The following ALKBH5 variants were observed in gnomAD, a reference collection of about 807,000 sequenced individuals.
ALKBH5 encodes the protein alkB homolog 5, RNA demethylase, also known as RNA demethylase ALKBH5.
In ALKBH5, 2 loss-of-function variants were observed where a neutral mutation model predicts 32.1. The ratio of observed to expected loss-of-function variants is 0.06; its 90% CI spans 0.03 to 0.20. ALKBH5 has a LOEUF of 0.20. Among genes scored for constraint, ALKBH5 ranks in the 10% least tolerant of loss-of-function variants. ALKBH5 has a pLI of 1.00. For synonymous variants in ALKBH5, 300 were observed against 231.7 expected (o/e 1.29, Z -2.68); for missense variants, 352 against 559.5 (o/e 0.63, Z 3.74).
At chr17:18,192,751 C>T (rs936907346) in intron 1 of ALKBH5, among the ~76,000 whole-genome samples, 1 of 151,988 alleles carries the variant, frequency 6.6e-6, no homozygotes, top group Admixed American at 6.6e-5. Flanking sequence ...GGTTCTTTTG[C>T]TGTAGTAATT....
intron 2 of ALKBH5, among the ~76,000 whole-genome samples, chr17:18,202,745 G>T (rs1296684465): frequency 2.0e-5 from 3 of 151,870 alleles, no homozygotes; most frequent in Non-Finnish European, 4.4e-5. Context: ...CTCTTGCACT[G>T]AGGAGGGCCC....
intron 2 of ALKBH5, among the ~76,000 whole-genome samples, chr17:18,202,058 A>G (rs941995911): frequency 2.0e-5 from 3 of 152,124 alleles, no homozygotes; most frequent in African/African-American, 7.2e-5. Context: ...CTGTAATTCC[A>G]GCACTTTGGG....
At chr17:18,199,296 C>CAGGGT (rs2047222562) in intron 2 of ALKBH5, among the ~76,000 whole-genome samples, 1 of 152,110 alleles carries the variant, frequency 6.6e-6, no homozygotes. Flanking sequence ...CGTTGGTAAC[C>CAGGGT]CTGGAAGGGG....
intron 2 of ALKBH5, among the ~76,000 whole-genome samples, chr17:18,205,191 C>G (rs961717395): frequency 1.1e-4 from 16 of 152,208 alleles, no homozygotes; most frequent in African/African-American, 3.9e-4. Context: ...GCAAAGAAGC[C>G]TTAGAGCTAG....
At chr17:18,192,011 A>G (rs752133678) in intron 1 of ALKBH5, among the ~76,000 whole-genome samples, 9 of 151,852 alleles carry the variant, frequency 5.9e-5, no homozygotes, top group Non-Finnish European at 1.0e-4. Flanking sequence ...TTGTGTGTCT[A>G]TATGGGACAG....
chr17:18,188,307 G>A (rs1238588931), intron 1 of ALKBH5, among the ~76,000 whole-genome samples: 2 of 152,266 alleles, frequency 1.3e-5, no homozygotes, highest in Non-Finnish European at 2.9e-5. Flanking sequence ...GTGGTCTGTG[G>A]TGTGGTGGCC....
chr17:18,199,809 A>C (rs2047225865), intron 2 of ALKBH5, among the ~76,000 whole-genome samples: 1 of 152,174 alleles, frequency 6.6e-6, no homozygotes, highest in African/African-American at 2.4e-5. Flanking sequence ...CTGCAAAAAA[A>C]ACCCCAAAAA....
At chr17:18,207,257 TTA>T (rs1418877004) in intron 3 of ALKBH5, among the ~76,000 whole-genome samples, 3 of 152,186 alleles carry the variant, frequency 2.0e-5, no homozygotes, top group African/African-American at 7.2e-5. Flanking sequence ...CCTTGTGGAA[TTA>T]TACTTAGATG....
In ALKBH5 at chr17:18,184,502, A is replaced by C; in HGVS notation, c.259A>C (p.Ser87Arg). ...QKEEEARKVK[S>R]GIRQMRLFSQ... ...GGAGGAGGAGGCGCGCAAGGTGAAG[A>C]GCGGCATCCGCCAGATGCGCCTCTT... Residue 87 changes from serine to arginine, a missense_variant, in exon 1 of 4, where the codon AGC becomes CGC. Physicochemically the swap from Ser to Arg is moderately radical, Grantham distance 110. Around this residue, in one of 4 missense-constraint regions of ALKBH5, gnomAD observed 144 missense variants for 125.8 expected, o/e 1.14. Coordinates refer to ENST00000399138, the MANE Select transcript of ALKBH5 (RefSeq NM_017758.4). 1 of 1,613,012 alleles carries C rather than the reference A, an allele frequency of 6.2e-7. No individual in the cohort carries two copies. Among genetic ancestry groups the C allele is most frequent in the Non-Finnish European group, 8.5e-7 (1 of 1,179,878 alleles).
At chr17:18,207,052 G>A (rs2047273351) in intron 3 of ALKBH5, 82 bp downstream of exon 3, 8 of 1,524,232 alleles carry the variant, frequency 5.2e-6, no homozygotes, top group Admixed American at 2.0e-5. Context: ...GGGGTAGGCT[G>A]TTTAGGAGCC....
chr17:18,200,633 C>T (rs1455311284), intron 2 of ALKBH5, among the ~76,000 whole-genome samples: 2 of 152,098 alleles, frequency 1.3e-5, no homozygotes, highest in Non-Finnish European at 2.9e-5. Context: ...TCTCTTTTGT[C>T]CTTTGGGAAA....
At chr17:18,194,189 C>T (rs1025242398) in intron 1 of ALKBH5, among the ~76,000 whole-genome samples, 1 of 151,848 alleles carries the variant, frequency 6.6e-6, no homozygotes, top group African/African-American at 2.4e-5. Flanking sequence ...GACAGAGTCT[C>T]GCTCTGTTGC....
chr17:18,198,878 C>T (rs1285030788), intron 2 of ALKBH5, among the ~76,000 whole-genome samples: 1 of 152,158 alleles, frequency 6.6e-6, no homozygotes, highest in Non-Finnish European at 1.5e-5. Flanking sequence ...GTGGAATCCT[C>T]AGACTGTCCC....
chr17:18,200,294 G>A (rs984299558), intron 2 of ALKBH5, among the ~76,000 whole-genome samples: 1 of 151,802 alleles, frequency 6.6e-6, no homozygotes, highest in Non-Finnish European at 1.5e-5. Context: ...GAGGCCTTAG[G>A]TCAACATTTG....
rs1296353065 is a variant in ALKBH5, at chr17:18,184,121, C to CA, written c.-122dup. ...GACGCCCCCCGCCGGGTCCCCCACTCACGCATGGGGGTTCGGCGCTAAGGA... is the reference window on the plus strand; with the variant it reads ...GACGCCCCCCGCCGGGTCCCCCACTCAACGCATGGGGGTTCGGCGCTAAGGA... On this transcript the variant is annotated 5_prime_UTR_variant, in exon 1 of 4. Coordinates refer to ENST00000399138, the MANE Select transcript of ALKBH5 (RefSeq NM_017758.4). 1.1e-5 allele frequency: 10 copies of CA among 910,114 alleles called. No individual in the cohort carries two copies. Among genetic ancestry groups the CA allele is most frequent in the Non-Finnish European group, 1.7e-5 (10 of 597,720 alleles). The allele number at this position is 910,114 out of a possible 1,614,324, so 56.4% of individuals were successfully genotyped here. A position where few individuals can be genotyped will look rare whatever the true frequency, so the allele number is the denominator to read the frequency against.
chr17:18,185,719 G>A (rs993202799), intron 1 of ALKBH5, among the ~76,000 whole-genome samples: 3 of 152,364 alleles, frequency 2.0e-5, no homozygotes, highest in Non-Finnish European at 2.9e-5. Context: ...AGTTGCGTGA[G>A]CAGCAGAACT....
chr17:18,193,641 C>T (rs754665314), intron 1 of ALKBH5, among the ~76,000 whole-genome samples: 2 of 152,202 alleles, frequency 1.3e-5, no homozygotes, highest in Admixed American at 1.3e-4. Flanking sequence ...TAAGGCTGAG[C>T]CTGAAGCAGT....
In ALKBH5 at chr17:18,208,714, G is replaced by A. The variant is rs539457050; in HGVS notation, c.*318G>A. On this transcript the variant is annotated 3_prime_UTR_variant, in exon 4 of 4. Coordinates refer to ENST00000399138, the MANE Select transcript of ALKBH5 (RefSeq NM_017758.4). ...CCATCTTTTAAGTGGGGCTGTATCA[G>A]GCTGGGTTTATTTAAAAGCAACAAA... 2 of 460,078 alleles carry A rather than the reference G, an allele frequency of 4.3e-6. No individual in the cohort carries two copies. Among genetic ancestry groups the A allele is most frequent in the African/African-American group, 4.0e-5 (2 of 50,246 alleles). The allele number at this position is 460,078 out of a possible 1,614,324, so 28.5% of individuals were successfully genotyped here.
At chr17:18,200,059 T>C (rs936473758) in intron 2 of ALKBH5, among the ~76,000 whole-genome samples, 2 of 148,886 alleles carry the variant, frequency 1.3e-5, no homozygotes, top group African/African-American at 5.0e-5. Context: ...ATTGTACCAT[T>C]GCACTCCAGC....
Sources: allele counts gnomAD v4.1 joint callset (sites outside exome capture counted in the v4.1 genomes callset), GRCh38; gene constraint gnomAD v4.1.1; regional missense constraint gnomAD v4.1.1; transcripts MANE v1.5; gene names NCBI Gene and HGNC (gene_info 2026-07-23, HGNC 2026-07-21).